The following POC5 variants were observed in gnomAD, a reference collection of about 807,000 sequenced individuals.
The protein encoded by POC5 is POC5 centriolar protein.
POC5 carries 48 observed loss-of-function variants against 62.9 expected under a neutral mutation model. The ratio of observed to expected loss-of-function variants is 0.76; its 90% CI spans 0.61 to 0.97. The LOEUF (loss-of-function observed/expected upper bound fraction) is 0.97, where lower values mean the gene tolerates loss of function less well. Ranked by LOEUF, POC5 falls within the 50% of genes least tolerant of loss-of-function variation. The probability of loss-of-function intolerance (pLI) is 0.00; values close to 1 mark genes in which losing one functional copy is unlikely to be tolerated. For missense variants in POC5, 696 were observed against 679.5 expected (o/e 1.02, Z -0.27); for synonymous variants, 236 against 228.2 (o/e 1.03, Z -0.31).
chr5:75,683,391 GC>G (rs1775945438), intron 10 of POC5, among the ~76,000 whole-genome samples: 1 of 151,988 alleles, frequency 6.6e-6, no homozygotes, highest in Admixed American at 6.6e-5. Flanking sequence ...CCACCACCAT[GC>G]CCGGCTAATT....
At chr5:75,680,770 C>T (rs1451839765) in intron 10 of POC5, among the ~76,000 whole-genome samples, 1 of 152,048 alleles carries the variant, frequency 6.6e-6, no homozygotes, top group African/African-American at 2.4e-5. Context: ...TCATGCTTTA[C>T]AGAAACTGAA....
Position 75,702,750 on chromosome 5 carries a change from G to A in POC5, c.368C>T (p.Ser123Leu). 6.2e-7 allele frequency: 1 copy of A among 1,600,160 alleles called. No homozygotes were observed. Among genetic ancestry groups the A allele is most frequent in the Admixed American group, 1.7e-5 (1 of 57,772 alleles). Residue 123 changes from serine to leucine, a missense_variant, in exon 5 of 12, where the codon TCA becomes TTA. Coordinates refer to ENST00000428202, the MANE Select transcript of POC5 (RefSeq NM_001099271.2). ...TGAGGAAGAGTCAGCTAAAAGATGT[G>A]AACTGAAAAAATCCATGACTGGGTG... is the stretch of plus-strand genomic sequence containing the variant. ...PSHPVMDFFS[S>L]HLLADSSSPA...
intron 2 of POC5, chr5:75,709,373 A>C (rs914874171): frequency 7.2e-5 from 11 of 152,336 alleles, no homozygotes; most frequent in African/African-American, 2.6e-4. Context: ...CTAGTAGCAA[A>C]TAAAAATCAG....
intron 11 of POC5, among the ~76,000 whole-genome samples, chr5:75,675,847 C>T (rs1775629468): frequency 6.6e-6 from 1 of 152,178 alleles, no homozygotes; most frequent in Non-Finnish European, 1.5e-5. Context: ...TAGAAGCATG[C>T]AGTTACCCAG....
chr5:75,678,148 G>A (rs1775744131), intron 10 of POC5, among the ~76,000 whole-genome samples, 198 bp from the exon 11 acceptor site: 1 of 151,728 alleles, frequency 6.6e-6, no homozygotes, highest in Admixed American at 6.6e-5. Flanking sequence ...TTTAACCTGA[G>A]TATGCCAACG....
chr5:75,711,586 T>C (rs1243402660), intron 2 of POC5, among the ~76,000 whole-genome samples: 2 of 151,672 alleles, frequency 1.3e-5, no homozygotes, highest in African/African-American at 4.9e-5. Flanking sequence ...ATTTTTAAGA[T>C]TTTTTTTTGT....
intron 4 of POC5, 134 bp from the exon 5 acceptor site, chr5:75,702,944 G>T: frequency 1.5e-6 from 1 of 669,934 alleles, no homozygotes; most frequent in Non-Finnish European, 2.5e-6. Context: ...CTACCTTTCA[G>T]GTGTACCTTA....
chr5:75,707,912 GT>G, intron 2 of POC5, 37 bp from the exon 3 acceptor site: 1 of 1,499,248 alleles, frequency 6.7e-7, no homozygotes, highest in Non-Finnish European at 9.1e-7. Context: ...TAGTGTAACA[GT>G]TACAATGTTA....
intron 2 of POC5, chr5:75,712,576 CA>C: frequency 4.2e-6 from 4 of 961,500 alleles, no homozygotes; most frequent in Non-Finnish European, 6.4e-6. Context: ...AAAATTTAAA[CA>C]AAAAAATGTT....
At chr5:75,695,865 C>G (rs969764400) in intron 5 of POC5, among the ~76,000 whole-genome samples, 1 of 152,014 alleles carries the variant, frequency 6.6e-6, no homozygotes, top group Non-Finnish European at 1.5e-5. Context: ...GCACCGTGCG[C>G]GAGGTGAAGC....
intron 1 of POC5, among the ~76,000 whole-genome samples, chr5:75,715,609 T>C (rs182123856): frequency 1.4e-3 from 210 of 152,288 alleles, no homozygotes; most frequent in African/African-American, 4.8e-3. Context: ...GAGATTACAA[T>C]TGAAGATGGG....
chr5:75,684,030 T>C (rs1248954413), intron 10 of POC5, among the ~76,000 whole-genome samples: 1 of 152,100 alleles, frequency 6.6e-6, no homozygotes, highest in Non-Finnish European at 1.5e-5. Flanking sequence ...GCTTGATCAA[T>C]TTCATTTCAG....
Position 75,690,501 on chromosome 5 carries a change from T to C in POC5, c.857A>G (p.Lys286Arg), listed in dbSNP as rs539358783. 2.5e-6 allele frequency: 4 copies of C among 1,605,882 alleles called. No individual in the cohort carries two copies. The South Asian group carries it at 4.5e-5, about 18-fold the overall frequency. The change falls in exon 8 of 12, where the codon AAA (lysine) becomes AGA (arginine). Residue 286 changes from lysine to arginine, a missense_variant. Coordinates refer to ENST00000428202, the MANE Select transcript of POC5 (RefSeq NM_001099271.2). ...CTTTTGCACTACGGAACGCCAGACT[T>C]TCCAGACTTTCTTCAGTAAAGTTCT... is the stretch of plus-strand genomic sequence containing the variant. ...YQRTLLKKVW[K>R]VWRSVVQKQW... is the part of the protein sequence containing the mutation.
intron 1 of POC5, among the ~76,000 whole-genome samples, chr5:75,713,581 G>A (rs978379208): frequency 1.3e-5 from 2 of 152,176 alleles, no homozygotes; most frequent in Admixed American, 1.3e-4. Context: ...AGAGGGCCAG[G>A]CATGTATATT....
intron 6 of POC5, among the ~76,000 whole-genome samples, chr5:75,693,241 T>C (rs1458542557): frequency 1.3e-5 from 2 of 151,094 alleles, no homozygotes; most frequent in South Asian, 4.2e-4. Flanking sequence ...TTACTCTTGT[T>C]CTTAAAAAAA....
chr5:75,703,398 C>T lies in POC5; in HGVS notation c.308-588G>A, dbSNP rs559510301. On this transcript the variant is annotated intron_variant, in intron 4 of 11. Coordinates refer to ENST00000428202, the MANE Select transcript of POC5 (RefSeq NM_001099271.2). ...ATCCTAGCACTTTGGGAGGCCGAGG[C>T]GGGTGAATCATGAGGTCCAGAGATT... is the stretch of plus-strand genomic sequence containing the variant. 2.2e-3 allele frequency among the ~76,000 whole-genome samples: 337 copies of T among 151,114 alleles called. 2 individuals are homozygous for T. Among genetic ancestry groups the T allele is most frequent in the African/African-American group, 7.6e-3 (314 of 41,164 alleles).
chr5:75,674,517 G>T lies in POC5; in HGVS notation c.1646C>A (p.Thr549Asn). The change falls in exon 12 of 12, where the codon ACC (threonine) becomes AAC (asparagine). Residue 549 changes from threonine to asparagine, a missense_variant. Thr to Asn is a moderately conservative substitution (Grantham distance 65, BLOSUM62 0). Transcript: ENST00000428202. ...GGTTCCAAGTGATCTGGAAGCTGAG[G>T]TACTACTTTCAGGATGAATGGTCCG... ...YPRTIHPESSTSASRSLGTRS... is the reference protein window; with the variant it reads ...YPRTIHPESSNSASRSLGTRS... 6.2e-7 allele frequency: 1 copy of T among 1,613,960 alleles called. No individual in the cohort carries two copies. The highest frequency in any genetic ancestry group is 8.5e-7 in the Non-Finnish European group (1 of 1,179,834).
rs1776294550 is a variant in POC5 at position 75,690,697 on chromosome 5, T to C, written c.796-135A>G. The C allele has an allele frequency of 9.7e-6, 8 of 822,990 alleles. No homozygotes were observed. The South Asian group carries it at 1.7e-4, about 17-fold the overall frequency. The allele number at this position is 822,990 out of a possible 1,614,324, so 51.0% of individuals were successfully genotyped here. Reference sequence around the variant, plus strand: ...CTATGTAATCATATTATTCTCATCTTGCATATAGGAGAACAGGCTTAGAGA... The same window carrying C: ...CTATGTAATCATATTATTCTCATCTCGCATATAGGAGAACAGGCTTAGAGA... On this transcript the variant is annotated intron_variant, in intron 7 of 11. Transcript: ENST00000428202.
At chr5:75,683,806 C>T (rs111937612) in intron 10 of POC5, among the ~76,000 whole-genome samples, 37,235 of 151,696 alleles carry the variant, frequency 0.25, 4,778 homozygotes, top group South Asian at 0.32. Flanking sequence ...TGGGCTCAAG[C>T]GATCCTCCTG....
Sources: gnomAD v4.1 joint callset for allele counts (sites outside exome capture counted in the v4.1 genomes callset) on GRCh38, gnomAD v4.1.1 for gene constraint, MANE v1.5 for transcripts, NCBI Gene and HGNC (gene_info 2026-07-23, HGNC 2026-07-21) for gene names.